Variants in NIPBL observed in about 807,000 individuals in gnomAD.
NIPBL encodes the protein NIPBL cohesin loading factor, also known as nipped-B-like protein.
Under a neutral mutation model 321.8 loss-of-function variants are expected in NIPBL, and 19 were observed. That is an observed-to-expected ratio of 0.06 (90% CI 0.04 to 0.09). NIPBL has a LOEUF of 0.09. NIPBL is among the 10% of genes least tolerant of loss of function. The pLI, the probability that NIPBL is intolerant of heterozygous loss-of-function variation, is 1.00. For missense variants in NIPBL, 2,210 were observed against 3,327.0 expected, an observed-to-expected ratio of 0.66 and a Z score of 8.26; for synonymous variants, 1,106 against 1,114.1, an observed-to-expected ratio of 0.99 and a Z score of 0.14.
At chr5:36,981,223 C>T (rs185371798) in intron 9 of NIPBL, among the ~76,000 whole-genome samples, 2 of 151,732 alleles carry the variant, frequency 1.3e-5, no homozygotes, top group African/African-American at 2.4e-5. Context: ...CCAATATATT[C>T]GTTTACTGTG....
intron 34 of NIPBL, among the ~76,000 whole-genome samples, chr5:37,043,908 C>G (rs995659002): frequency 6.6e-6 from 1 of 152,140 alleles, no homozygotes; most frequent in Non-Finnish European, 1.5e-5. Context: ...TTGTGACAAC[C>G]AAAAATGTCT....
chr5:37,056,061 C>G (rs1754057466), intron 42 of NIPBL, among the ~76,000 whole-genome samples: 1 of 151,952 alleles, frequency 6.6e-6, no homozygotes, highest in Non-Finnish European at 1.5e-5. Context: ...AAGAGAAATA[C>G]AGGGCTTTTA....
chr5:37,037,064 A>C (rs1751775284), intron 33 of NIPBL, among the ~76,000 whole-genome samples: 1 of 151,916 alleles, frequency 6.6e-6, no homozygotes, highest in Non-Finnish European at 1.5e-5. Flanking sequence ...AAGTTTTTTA[A>C]TCAATTATAA....
intron 1 of NIPBL, among the ~76,000 whole-genome samples, chr5:36,908,627 A>G (rs1747822243): frequency 6.6e-6 from 1 of 152,136 alleles, no homozygotes; most frequent in African/African-American, 2.4e-5. Context: ...AAATGACTGG[A>G]GAACTTTAGG....
intron 8 of NIPBL, 43 bp from the exon 9 acceptor site, chr5:36,975,733 T>C: frequency 6.3e-7 from 1 of 1,597,566 alleles, no homozygotes; most frequent in African/African-American, 1.3e-5. Flanking sequence ...TAAGAAAATG[T>C]GAAACCACCA....
At chr5:37,063,525 T>C (rs1755029843) in intron 45 of NIPBL, among the ~76,000 whole-genome samples, 1 of 152,192 alleles carries the variant, frequency 6.6e-6, no homozygotes, top group South Asian at 2.1e-4. Context: ...ATTGAAAACA[T>C]TCATGCCCAC....
At chr5:36,930,722 C>A (rs1216149098) in intron 1 of NIPBL, among the ~76,000 whole-genome samples, 1 of 151,976 alleles carries the variant, frequency 6.6e-6, no homozygotes, top group Non-Finnish European at 1.5e-5. Context: ...CTTTTTATTT[C>A]TAATTTTTGA....
At chr5:36,979,126 T>A (rs1276167336) in intron 9 of NIPBL, among the ~76,000 whole-genome samples, 2 of 151,872 alleles carry the variant, frequency 1.3e-5, no homozygotes, top group Non-Finnish European at 2.9e-5. Flanking sequence ...CTTTGAAAAA[T>A]TACGTTGGTA....
intron 10 of NIPBL, 85 bp from the exon 11 acceptor site, chr5:36,995,537 A>G (rs1746042983): frequency 1.2e-6 from 1 of 859,220 alleles, no homozygotes; most frequent in East Asian, 2.7e-5. Context: ...ACAAATACTA[A>G]TATTTTTATT....
Position 36,985,869 on chromosome 5 carries a change from C to G in NIPBL, c.2689C>G (p.Gln897Glu). 3.1e-6 allele frequency: 5 copies of G among 1,613,872 alleles called. No individual in the cohort carries two copies. Among genetic ancestry groups the G allele is most frequent in the Non-Finnish European group, 4.2e-6 (5 of 1,179,936 alleles). The change falls in exon 10 of 47, where the codon CAA becomes GAA. Residue 897 changes from glutamine to glutamate, a missense_variant. Gln to Glu is a conservative substitution (Grantham distance 29, BLOSUM62 2). Coordinates refer to ENST00000282516, the MANE Select transcript of NIPBL (RefSeq NM_133433.4). ...AAGACCTGACAGTCCTCGTGTTAAACAAGGAGATTCTAATAAATCAAGATC... is the reference window on the plus strand; with the variant it reads ...AAGACCTGACAGTCCTCGTGTTAAAGAAGGAGATTCTAATAAATCAAGATC... ...KSRPDSPRVK[Q>E]GDSNKSRSDK...
At chr5:36,925,340 C>T (rs1006554108) in intron 1 of NIPBL, among the ~76,000 whole-genome samples, 2 of 150,362 alleles carry the variant, frequency 1.3e-5, no homozygotes, top group Admixed American at 6.7e-5. Context: ...GTGATCTCGG[C>T]GCACTGCAAC....
chr5:36,896,954 C>A (rs555013611), intron 1 of NIPBL, among the ~76,000 whole-genome samples: 1 of 151,600 alleles, frequency 6.6e-6, no homozygotes, highest in South Asian at 2.1e-4. Context: ...TAAATTTGTT[C>A]CTGTGCATTG....
chr5:37,013,180 C>A (rs1401282974), intron 21 of NIPBL, among the ~76,000 whole-genome samples: 6 of 150,820 alleles, frequency 4.0e-5, no homozygotes, highest in African/African-American at 1.5e-4. Context: ...CTGACCCCCC[C>A]ACCTCCCTCC....
chr5:36,877,294 C>G (rs187032702), intron 1 of NIPBL, 116 bp downstream of exon 1: 2 of 157,236 alleles, frequency 1.3e-5, no homozygotes, highest in Admixed American at 6.5e-5. Context: ...AGGTCTCTTC[C>G]ACAGGCGAGT....
chr5:36,888,287 A>G (rs953903943), intron 1 of NIPBL, among the ~76,000 whole-genome samples: 2 of 152,148 alleles, frequency 1.3e-5, no homozygotes, highest in African/African-American at 2.4e-5. Context: ...GTGTTCTGTT[A>G]TATCTAAAAT....
intron 1 of NIPBL, among the ~76,000 whole-genome samples, chr5:36,946,606 A>G (rs895223562): frequency 6.6e-6 from 1 of 151,894 alleles, no homozygotes; most frequent in Non-Finnish European, 1.5e-5. Context: ...ATATACACAC[A>G]CATATATGTA....
At chr5:36,895,624 G>A (rs1182637086) in intron 1 of NIPBL, among the ~76,000 whole-genome samples, 1 of 152,124 alleles carries the variant, frequency 6.6e-6, no homozygotes, top group Non-Finnish European at 1.5e-5. Context: ...ACCAACACTT[G>A]TTATTGTCTG....
Position 37,002,243 on chromosome 5 carries a change from G to A in NIPBL, c.3665-419G>A, listed in dbSNP as rs150370206. 7.4e-3 allele frequency among the ~76,000 whole-genome samples: 1,130 copies of A among 152,242 alleles called. 8 individuals are homozygous for A. Among genetic ancestry groups the A allele is most frequent in the African/African-American group, 0.023 (954 of 41,522 alleles). On this transcript the variant is annotated intron_variant, in intron 14 of 46. Transcript: ENST00000282516. ...GGTCAGGGGACAGAGCCAGCCTGAG[G>A]AGACCTTGTAAGCAAAGAGTAAGAG...
chr5:37,038,015 G>C (rs1424268158), intron 33 of NIPBL, among the ~76,000 whole-genome samples: 2 of 142,944 alleles, frequency 1.4e-5, no homozygotes, highest in African/African-American at 5.2e-5. Flanking sequence ...TTAAAGACAG[G>C]GTCTCACTCT....
Sources: gnomAD v4.1 joint callset for allele counts (sites outside exome capture counted in the v4.1 genomes callset) on GRCh38, gnomAD v4.1.1 for gene constraint, MANE v1.5 for transcripts, NCBI Gene and HGNC (gene_info 2026-07-23, HGNC 2026-07-21) for gene names.